DOK6: variants seen among roughly 807,000 people sequenced by gnomAD.
The protein encoded by DOK6 is downstream of tyrosine kinase 6.
In DOK6, 22 loss-of-function variants were observed where a neutral mutation model predicts 44.0. The ratio of observed to expected loss-of-function variants is 0.50; its 90% confidence interval spans 0.36 to 0.71. The LOEUF (loss-of-function observed/expected upper bound fraction) is 0.71, where lower values mean the gene tolerates loss of function less well. Among genes scored for constraint, DOK6 ranks in the 30% least tolerant of loss-of-function variants. The pLI is 0.00. For missense variants in DOK6, 340 were observed against 416.4 expected (o/e 0.82, Z 1.60); for synonymous variants, 166 against 145.5 (o/e 1.14, Z -1.01).
chr18:69,406,102 G>A (rs1916201502), intron 1 of DOK6, among the ~76,000 whole-genome samples: 1 of 152,142 alleles, frequency 6.6e-6, no homozygotes, highest in South Asian at 2.1e-4. Context: ...TGACAATTAT[G>A]CATATTCCTT....
chr18:69,617,063 A>C (rs1021295989), intron 3 of DOK6, among the ~76,000 whole-genome samples: 1 of 147,946 alleles, frequency 6.8e-6, no homozygotes, highest in Non-Finnish European at 1.5e-5. Context: ...CTTTTTGCCA[A>C]CTTGTCCCTT....
At chr18:69,698,277 T>G (rs996750367) in intron 4 of DOK6, 127 bp from the exon 5 acceptor site, 1 of 750,610 alleles carries the variant, frequency 1.3e-6, no homozygotes, top group Non-Finnish European at 2.1e-6. Flanking sequence ...ACAATGTTTA[T>G]CCATATCACC....
chr18:69,757,466 T>C (rs890568373), intron 6 of DOK6, among the ~76,000 whole-genome samples: 5 of 152,350 alleles, frequency 3.3e-5, no homozygotes, highest in African/African-American at 7.2e-5. Context: ...GTGAGTACAA[T>C]TGATCATGCC....
chr18:69,648,370 C>A (rs1985138017), intron 3 of DOK6, among the ~76,000 whole-genome samples: 1 of 152,118 alleles, frequency 6.6e-6, no homozygotes, highest in Non-Finnish European at 1.5e-5. Context: ...GTACACCAAA[C>A]CCCTGAGTCA....
chr18:69,407,156 C>T (rs1339700241), intron 1 of DOK6, among the ~76,000 whole-genome samples: 1 of 152,206 alleles, frequency 6.6e-6, no homozygotes, highest in Non-Finnish European at 1.5e-5. Flanking sequence ...TATTAGTTAG[C>T]ATTGCCCTCT....
chr18:69,544,865 A>T (rs1486186031), intron 1 of DOK6, among the ~76,000 whole-genome samples: 2 of 151,682 alleles, frequency 1.3e-5, no homozygotes, highest in East Asian at 1.9e-4. Context: ...GTGCGATGGC[A>T]CACGCCTGTA....
At chr18:69,512,072 C>T (rs966849992) in intron 1 of DOK6, among the ~76,000 whole-genome samples, 13 of 151,286 alleles carry the variant, frequency 8.6e-5, no homozygotes, top group African/African-American at 2.9e-4. Flanking sequence ...TGTTCATCAT[C>T]GCCCCATCCC....
intron 5 of DOK6, among the ~76,000 whole-genome samples, chr18:69,726,451 A>G (rs1443349299): frequency 6.6e-6 from 1 of 152,140 alleles, no homozygotes; most frequent in Non-Finnish European, 1.5e-5. Context: ...GTTAGCCTCC[A>G]AATTCAAACT....
chr18:69,592,198 G>A (rs888313663), intron 2 of DOK6, among the ~76,000 whole-genome samples: 2 of 150,866 alleles, frequency 1.3e-5, no homozygotes, highest in Admixed American at 1.3e-4. Context: ...TTGGGTAAGA[G>A]TAAGGTTTGG....
At chr18:69,604,289 C>T (rs1983944925) in intron 3 of DOK6, among the ~76,000 whole-genome samples, 1 of 152,120 alleles carries the variant, frequency 6.6e-6, no homozygotes, top group Admixed American at 6.6e-5. Flanking sequence ...AAGACTGTTT[C>T]TTCTCATGTC....
chr18:69,768,881 C>T (rs1979799838), intron 7 of DOK6, among the ~76,000 whole-genome samples: 1 of 150,834 alleles, frequency 6.6e-6, no homozygotes, highest in Non-Finnish European at 1.5e-5. Context: ...TCGAACCACC[C>T]AATATTTTGA....
chr18:69,512,569 C>T (rs1268395156), intron 1 of DOK6, among the ~76,000 whole-genome samples: 1 of 152,034 alleles, frequency 6.6e-6, no homozygotes, highest in East Asian at 1.9e-4. Flanking sequence ...GTCTTGAACT[C>T]CTAACCTCAG....
intron 2 of DOK6, among the ~76,000 whole-genome samples, chr18:69,590,004 A>T (rs1374163788): frequency 6.6e-6 from 1 of 152,044 alleles, no homozygotes; most frequent in Non-Finnish European, 1.5e-5. Context: ...ATATCTAAAT[A>T]TGCCCTCCCT....
chr18:69,466,244 CAT>C (rs761394961), intron 1 of DOK6, among the ~76,000 whole-genome samples: 2 of 152,172 alleles, frequency 1.3e-5, no homozygotes, highest in Non-Finnish European at 2.9e-5. Context: ...GTACATTCCA[CAT>C]ATGAGTGAGA....
chr18:69,822,279 G>C (rs752160148), intron 7 of DOK6, among the ~76,000 whole-genome samples: 1 of 152,176 alleles, frequency 6.6e-6, no homozygotes, highest in Non-Finnish European at 1.5e-5. Context: ...TGAAGGGCCT[G>C]AAATTTTACC....
rs59109570 is a variant in DOK6, at chr18:69,512,332, C to CTTCTTCTTTTTTTTTTT, written c.67-52153_67-52152insCTTCTTTTTTTTTTTTT. Among the ~76,000 whole-genome samples the CTTCTTCTTTTTTTTTTT allele has an allele frequency of 2.5e-4, 23 of 91,676 alleles. 1 individual carries two copies. Among genetic ancestry groups the CTTCTTCTTTTTTTTTTT allele is most frequent in the African/African-American group, 1.1e-3 (23 of 21,346 alleles). The allele number at this position is 91,676 out of a possible 152,430, so 60.1% of individuals were successfully genotyped here. Reference sequence around the variant, plus strand: ...ACCCCTTCGTCTTTGCTTTCTTCTTCTTTTTTTTTTTTTTTTTTTTTTTTT... The same window carrying CTTCTTCTTTTTTTTTTT: ...ACCCCTTCGTCTTTGCTTTCTTCTTCTTCTTCTTTTTTTTTTTTTTTTTTTTTTTTTTTTTTTTTTTT... On this transcript the variant is annotated intron_variant, in intron 1 of 7. Coordinates refer to ENST00000382713, the MANE Select transcript of DOK6 (RefSeq NM_152721.6).
chr18:69,510,814 T>G (rs1981346408), intron 1 of DOK6, among the ~76,000 whole-genome samples: 1 of 152,184 alleles, frequency 6.6e-6, no homozygotes, highest in African/African-American at 2.4e-5. Context: ...AATTTGTATT[T>G]TAGTGTACAT....
chr18:69,652,931 T>C (rs1024476524), intron 3 of DOK6, among the ~76,000 whole-genome samples: 2 of 152,234 alleles, frequency 1.3e-5, no homozygotes, highest in Admixed American at 1.3e-4. Context: ...GTCTATGTTA[T>C]TTTCAGACCC....
chr18:69,743,183 A>C (rs963964997), intron 6 of DOK6, among the ~76,000 whole-genome samples: 1 of 152,238 alleles, frequency 6.6e-6, no homozygotes, highest in Non-Finnish European at 1.5e-5. Context: ...ATACATATTA[A>C]ACTGGAACTA....
Sources: allele counts gnomAD v4.1 joint callset (sites outside exome capture counted in the v4.1 genomes callset), GRCh38; gene constraint gnomAD v4.1.1; transcripts MANE v1.5; gene names NCBI Gene and HGNC (gene_info 2026-07-23, HGNC 2026-07-21).